The following WNT9A variants were observed in gnomAD, a reference collection of about 807,000 sequenced individuals.
WNT9A encodes Wnt family member 9A, also known as protein Wnt-9a.
WNT9A carries 8 observed loss-of-function variants against 31.4 expected under a neutral mutation model. The ratio of observed to expected loss-of-function variants is 0.26; its 90% CI spans 0.15 to 0.46. The LOEUF is 0.46. Ranked by LOEUF, WNT9A falls within the 20% of genes least tolerant of loss-of-function variation. The pLI is 0.99. For synonymous variants in WNT9A, 236 were observed against 220.1 expected (o/e 1.07, Z -0.64); for missense variants, 457 against 522.9 (o/e 0.87, Z 1.23).
At chr1:227,932,969 T>C (rs1237098545) in intron 1 of WNT9A, among the ~76,000 whole-genome samples, 1 of 152,238 alleles carries the variant, frequency 6.6e-6, no homozygotes, top group African/African-American at 2.4e-5. Context: ...CAATGGTGAA[T>C]GGGCATTGGC....
chr1:227,937,003 CTCTG>C (rs982669810), intron 1 of WNT9A, among the ~76,000 whole-genome samples: 6 of 152,212 alleles, frequency 3.9e-5, no homozygotes, highest in Admixed American at 2.6e-4. Context: ...GTGTCCTGCC[CTCTG>C]TCTGACATCT....
At chr1:227,941,661 C>T (rs893332219) in intron 1 of WNT9A, 2 of 153,492 alleles carry the variant, frequency 1.3e-5, no homozygotes, top group African/African-American at 4.8e-5. Context: ...CCAAGGGCCT[C>T]ACCTGACCCT....
At chr1:227,947,276 A>C (rs144748024) in intron 1 of WNT9A, among the ~76,000 whole-genome samples, 1,868 of 151,928 alleles carry the variant, frequency 0.012, 18 homozygotes, top group Non-Finnish European at 0.017. Context: ...AAGAAAAATA[A>C]ATTCCTCCAG....
In WNT9A at chr1:227,919,464, T is replaced by A. The variant is rs920551854; in HGVS notation, c.*2054A>T. On this transcript the variant is annotated 3_prime_UTR_variant, in exon 4 of 4. Transcript: ENST00000272164. The stretch of plus-strand genomic sequence containing the variant: ...GAGACCCACAGCAACATAAATAGGT[T>A]TTCTTTTAAAAACACAGACACCCCG... The A allele has an allele frequency of 6.6e-6, 1 of 152,076 alleles. No homozygotes were observed. Among genetic ancestry groups the A allele is most frequent in the African/African-American group, 2.4e-5 (1 of 41,380 alleles). The allele number at this position is 152,076 out of a possible 1,614,324, so 9.4% of individuals were successfully genotyped here.
At chr1:227,941,766 GGCT>G (rs1233655103) in intron 1 of WNT9A, 4 of 152,400 alleles carry the variant, frequency 2.6e-5, no homozygotes, top group Non-Finnish European at 5.9e-5. Context: ...CTGGGGGCCT[GGCT>G]CAGTCCCCAG....
chr1:227,921,265 G>T lies in WNT9A; in HGVS notation c.*253C>A. The T allele has an allele frequency of 2.0e-6, 1 of 510,314 alleles. No homozygotes were observed. Among genetic ancestry groups the T allele is most frequent in the Non-Finnish European group, 3.4e-6 (1 of 293,440 alleles). The allele number at this position is 510,314 out of a possible 1,614,324, so 31.6% of individuals were successfully genotyped here. A position where few individuals can be genotyped will look rare whatever the true frequency, so the allele number is the denominator to read the frequency against. On this transcript the variant is annotated 3_prime_UTR_variant, in exon 4 of 4. Coordinates refer to ENST00000272164, the MANE Select transcript of WNT9A (RefSeq NM_003395.4). ...AGGGATTCAGCCTTGGCAGGTGTAGGCCCATTCATGCTCTGTGCAATGCCT... is the reference window on the plus strand; with the variant it reads ...AGGGATTCAGCCTTGGCAGGTGTAGTCCCATTCATGCTCTGTGCAATGCCT...
chr1:227,934,026 C>G (rs1223284356), intron 1 of WNT9A, among the ~76,000 whole-genome samples: 1 of 152,174 alleles, frequency 6.6e-6, no homozygotes, highest in Non-Finnish European at 1.5e-5. Flanking sequence ...TCAGAACATC[C>G]CTCCTCTTAA....
intron 1 of WNT9A, among the ~76,000 whole-genome samples, chr1:227,937,883 C>T (rs150881090): frequency 9.2e-5 from 14 of 152,326 alleles, no homozygotes; most frequent in Non-Finnish European, 1.5e-4. Context: ...ACCAGCCAGG[C>T]TTCTAGGGCC....
intron 1 of WNT9A, among the ~76,000 whole-genome samples, chr1:227,938,238 C>T (rs565243914): frequency 6.6e-6 from 1 of 151,406 alleles, no homozygotes. Context: ...CCCATACACA[C>T]GGACACACAT....
chr1:227,924,219 G>C lies in WNT9A; in HGVS notation c.534C>G (p.Phe178Leu). 1 of 1,613,508 alleles carries C rather than the reference G, an allele frequency of 6.2e-7. No homozygotes were observed. ...CGDNLKYSSK[F>L]VKEFLGRRSS... ...ACCGTCTGCCCAGGAATTCCTTGAC[G>C]AACTTGCTGCTGTACTTAAGGTTGT... The change falls in exon 3 of 4, where the codon TTC becomes TTG. Residue 178 changes from phenylalanine to leucine, a missense_variant. Phe to Leu is a conservative substitution (Grantham distance 22). Coordinates refer to ENST00000272164, the MANE Select transcript of WNT9A (RefSeq NM_003395.4).
chr1:227,930,438 G>A (rs1174026771), intron 1 of WNT9A, among the ~76,000 whole-genome samples: 3 of 152,170 alleles, frequency 2.0e-5, no homozygotes, highest in East Asian at 1.9e-4. Flanking sequence ...CATGGAACTC[G>A]CTCCACACTC....
In WNT9A at chr1:227,924,307, C is replaced by G; in HGVS notation, c.446G>C (p.Cys149Ser). 6.2e-7 allele frequency: 1 copy of G among 1,613,750 alleles called. No homozygotes were observed. The highest frequency in any genetic ancestry group is 8.5e-7 in the Non-Finnish European group (1 of 1,179,974). ...CAGGTCGGGTGCCTCATCGCAGGTA[C>G]AGCGCTCCATGCGGCCCGCGCTGCA... is the stretch of plus-strand genomic sequence containing the variant. ...KACSAGRMER[C>S]TCDEAPDLEN... Residue 149 changes from cysteine (C) to serine (S), a missense_variant, in exon 3 of 4, where the codon TGT becomes TCT. Transcript: ENST00000272164.
At position 227,921,399 on chromosome 1, in the gene WNT9A, C is replaced by T. The variant is rs1666309877; in HGVS notation, c.*119G>A. The T allele has an allele frequency of 1.4e-6, 2 of 1,476,140 alleles. No individual in the cohort carries two copies. The highest frequency in any genetic ancestry group is 4.6e-5 in the East Asian group (2 of 43,730). The allele number at this position is 1,476,140 out of a possible 1,614,324, so 91.4% of individuals were successfully genotyped here. ...AGACCCATTCACACTGTGTGCAATGCCTGTACCCCACGCAGCTGGGCTGGT... is the reference window on the plus strand; with the variant it reads ...AGACCCATTCACACTGTGTGCAATGTCTGTACCCCACGCAGCTGGGCTGGT... On this transcript the variant is annotated 3_prime_UTR_variant, in exon 4 of 4. Transcript: ENST00000272164.
intron 1 of WNT9A, among the ~76,000 whole-genome samples, chr1:227,935,934 G>A (rs1339368595): frequency 2.0e-5 from 3 of 152,192 alleles, no homozygotes; most frequent in African/African-American, 7.2e-5. Flanking sequence ...CTCCCGCCCT[G>A]AGTTATGTGC....
At chr1:227,927,581 T>A (rs1774755) in intron 1 of WNT9A, among the ~76,000 whole-genome samples, 3 of 151,932 alleles carry the variant, frequency 2.0e-5, no homozygotes, top group Non-Finnish European at 4.4e-5. Flanking sequence ...TCCCAGGACA[T>A]CTGGGCACAC....
intron 1 of WNT9A, among the ~76,000 whole-genome samples, chr1:227,934,927 C>G (rs895837734): frequency 1.3e-5 from 2 of 151,690 alleles, no homozygotes; most frequent in Non-Finnish European, 2.9e-5. Context: ...GCCTGAGTCA[C>G]AGACTCAGGT....
intron 1 of WNT9A, among the ~76,000 whole-genome samples, chr1:227,936,730 ATCC>A (rs1345941004): frequency 6.6e-6 from 1 of 151,594 alleles, no homozygotes; most frequent in Non-Finnish European, 1.5e-5. Context: ...GACTCAAGTG[ATCC>A]TCCTTCCTTA....
chr1:227,940,415 G>C (rs1347139875), intron 1 of WNT9A, among the ~76,000 whole-genome samples: 1 of 152,202 alleles, frequency 6.6e-6, no homozygotes, highest in African/African-American at 2.4e-5. Context: ...GCAGGACAGG[G>C]AGAGCCACGC....
intron 3 of WNT9A, 46 bp from the exon 4 acceptor site, chr1:227,922,046 G>A (rs1666329107): frequency 1.9e-6 from 3 of 1,555,158 alleles, no homozygotes; most frequent in Non-Finnish European, 2.6e-6. Flanking sequence ...GGCTGTGCAG[G>A]TGGGCCCAGT....
Sources: allele counts gnomAD v4.1 joint callset (sites outside exome capture counted in the v4.1 genomes callset), GRCh38; gene constraint gnomAD v4.1.1; transcripts MANE v1.5; gene names NCBI Gene and HGNC (gene_info 2026-07-23, HGNC 2026-07-21).